The following IQCM variants were observed in gnomAD, a reference collection of about 807,000 sequenced individuals.
IQCM encodes the protein IQ domain-containing protein M.
A neutral mutation model predicts 57.6 loss-of-function variants in IQCM; 45 were observed. That is an observed-to-expected ratio of 0.78 (90% CI 0.62 to 1.00). IQCM has a LOEUF of 1.00. Among genes scored for constraint, IQCM ranks in the 50% least tolerant of loss-of-function variants. The pLI is 0.00. For synonymous variants in IQCM, 148 were observed against 158.9 expected (o/e 0.93, Z 0.51); for missense variants, 468 against 511.6 (o/e 0.91, Z 0.82).
chr4:149,413,109 G>C (rs1410224885), intron 13 of IQCM, among the ~76,000 whole-genome samples: 1 of 152,146 alleles, frequency 6.6e-6, no homozygotes, highest in Non-Finnish European at 1.5e-5. Context: ...CACATTAAAA[G>C]TACAAATTTC....
intron 9 of IQCM, among the ~76,000 whole-genome samples, chr4:149,579,156 C>A (rs902187773): frequency 6.6e-6 from 1 of 151,768 alleles, no homozygotes; most frequent in African/African-American, 2.4e-5. Flanking sequence ...GTCACACCTA[C>A]ACCTTCTTCT....
At chr4:149,481,701 G>GTTTTTTTTTTTGTTTTTTT (rs1740825058) in intron 12 of IQCM, among the ~76,000 whole-genome samples, 1 of 51,550 alleles carries the variant, frequency 1.9e-5, no homozygotes, top group Non-Finnish European at 3.7e-5. Context: ...TTCCAGTTTT[G>GTTTTTTTTTTTGTTTTTTT]TTTTTTTTTT....
intron 12 of IQCM, among the ~76,000 whole-genome samples, chr4:149,523,714 T>G (rs1745886196): frequency 6.6e-6 from 1 of 152,076 alleles, no homozygotes; most frequent in Admixed American, 6.6e-5. Context: ...ACTGATTGGT[T>G]GACTGACTGA....
At chr4:149,695,809 A>G (rs1763291738) in intron 5 of IQCM, among the ~76,000 whole-genome samples, 1 of 152,124 alleles carries the variant, frequency 6.6e-6, no homozygotes, top group African/African-American at 2.4e-5. Flanking sequence ...TTGGGTGGCT[A>G]TTAATAAGTT....
intron 10 of IQCM, among the ~76,000 whole-genome samples, chr4:149,562,568 A>G (rs1023662911): frequency 1.3e-5 from 2 of 152,184 alleles, no homozygotes; most frequent in Non-Finnish European, 2.9e-5. Context: ...TTAGACAGAC[A>G]TGGGTTTGAA....
chr4:149,543,099 CAT>C (rs1279049823), intron 12 of IQCM, among the ~76,000 whole-genome samples: 1 of 151,876 alleles, frequency 6.6e-6, no homozygotes, highest in Non-Finnish European at 1.5e-5. Context: ...TAACACTAGT[CAT>C]ATATGTTTTT....
At chr4:149,481,701 G>GTTTTTTTTTTTTTTGTTTTGTTTTTTT (rs1740834894) in intron 12 of IQCM, among the ~76,000 whole-genome samples, 4 of 51,550 alleles carry the variant, frequency 7.8e-5, no homozygotes, top group Non-Finnish European at 1.1e-4. Flanking sequence ...TTCCAGTTTT[G>GTTTTTTTTTTTTTTGTTTTGTTTTTTT]TTTTTTTTTT....
chr4:149,571,771 TA>T (rs747633836), intron 9 of IQCM, among the ~76,000 whole-genome samples: 2 of 152,030 alleles, frequency 1.3e-5, no homozygotes, highest in East Asian at 3.9e-4. Flanking sequence ...TGTCTGTAAA[TA>T]AAAATAAATA....
Position 149,815,600 on chromosome 4 carries a change from C to A in IQCM, c.-87G>T, listed in dbSNP as rs1363204913. On this transcript the variant is annotated splice_region_variant and 5_prime_UTR_variant, in exon 1 of 14. It adds an upstream start codon to the 5' untranslated region. Transcript: ENST00000636793. Reference sequence around the variant, plus strand: ...CAATTGATAGTATTTAATTACTTACCTTTCTGCCTTAGTTCCAACAAAACT... The same window carrying A: ...CAATTGATAGTATTTAATTACTTACATTTCTGCCTTAGTTCCAACAAAACT... 1.3e-5 allele frequency: 2 copies of A among 151,902 alleles called. No homozygotes were observed. The highest frequency in any genetic ancestry group is 2.9e-5 in the Non-Finnish European group (2 of 67,872). 9.4% of individuals were successfully genotyped at this position (151,902 alleles called of 1,614,324 possible).
At chr4:149,437,568 C>T (rs1735490088) in intron 12 of IQCM, among the ~76,000 whole-genome samples, 1 of 151,966 alleles carries the variant, frequency 6.6e-6, no homozygotes, top group Non-Finnish European at 1.5e-5. Context: ...ACTCAAAGTT[C>T]CCCTTCCCTT....
intron 11 of IQCM, among the ~76,000 whole-genome samples, chr4:149,552,020 C>T (rs1328877021): frequency 2.6e-5 from 4 of 152,144 alleles, no homozygotes; most frequent in Non-Finnish European, 4.4e-5. Context: ...CAACCTCTGA[C>T]TTATATAAAA....
At chr4:149,762,103 T>C (rs1769576962) in intron 2 of IQCM, among the ~76,000 whole-genome samples, 1 of 151,920 alleles carries the variant, frequency 6.6e-6, no homozygotes, top group African/African-American at 2.4e-5. Flanking sequence ...TATCTCTAGG[T>C]AAGGGGGTAC....
chr4:149,669,830 G>T (rs954244723), intron 7 of IQCM, among the ~76,000 whole-genome samples: 3 of 152,036 alleles, frequency 2.0e-5, no homozygotes, highest in African/African-American at 7.2e-5. Flanking sequence ...TGTTTTGTTG[G>T]TCTATATCTC....
intron 7 of IQCM, among the ~76,000 whole-genome samples, chr4:149,638,955 T>C (rs547693793): frequency 4.6e-5 from 7 of 151,818 alleles, no homozygotes; most frequent in Middle Eastern, 3.4e-3. Context: ...TTCTAAGTCC[T>C]AAACTGGCAA....
chr4:149,772,601 C>T (rs575315138), intron 2 of IQCM, among the ~76,000 whole-genome samples: 106 of 152,230 alleles, frequency 7.0e-4, no homozygotes, highest in Non-Finnish European at 1.3e-3. Flanking sequence ...AAAAAAACTA[C>T]CACTTTGGAA....
At chr4:149,790,931 C>G (rs565567154) in intron 2 of IQCM, among the ~76,000 whole-genome samples, 24 of 151,762 alleles carry the variant, frequency 1.6e-4, no homozygotes, top group African/African-American at 5.6e-4. Flanking sequence ...CCTTGTAGTA[C>G]TGGAATTAGT....
chr4:149,703,701 A>T (rs963921384), intron 5 of IQCM, among the ~76,000 whole-genome samples: 1 of 152,012 alleles, frequency 6.6e-6, no homozygotes, highest in African/African-American at 2.4e-5. Flanking sequence ...TATCTTATAC[A>T]GAATAAGAAT....
intron 2 of IQCM, among the ~76,000 whole-genome samples, chr4:149,805,391 G>A (rs1773981554): frequency 6.6e-6 from 1 of 152,144 alleles, no homozygotes; most frequent in Non-Finnish European, 1.5e-5. Context: ...TAATAAATGT[G>A]TAACTGACAC....
At chr4:149,534,094 T>G in intron 12 of IQCM, among the ~76,000 whole-genome samples, 1 of 152,162 alleles carries the variant, frequency 6.6e-6, no homozygotes, top group East Asian at 1.9e-4. Flanking sequence ...CATTCAAATC[T>G]ATTTCTTACT....
Sources: allele counts gnomAD v4.1 joint callset (sites outside exome capture counted in the v4.1 genomes callset), GRCh38; gene constraint gnomAD v4.1.1; transcripts MANE v1.5; gene names NCBI Gene and HGNC (gene_info 2026-07-23, HGNC 2026-07-21).